The following SELENOI variants were observed in gnomAD, a reference collection of about 807,000 sequenced individuals.
The protein encoded by SELENOI is ethanolaminephosphotransferase 1.
In SELENOI, 24 loss-of-function variants were observed where a neutral mutation model predicts 50.7. That is an observed-to-expected ratio of 0.47 (90% CI 0.34 to 0.67). The LOEUF (loss-of-function observed/expected upper bound fraction) is 0.67, where lower values mean the gene tolerates loss of function less well. Among genes scored for constraint, SELENOI ranks in the 30% least tolerant of loss-of-function variants. The probability of loss-of-function intolerance (pLI) is 0.01; values close to 1 mark genes in which losing one functional copy is unlikely to be tolerated. For missense variants in SELENOI, 352 were observed against 461.4 expected (o/e 0.76, Z 2.17); for synonymous variants, 155 against 170.2 (o/e 0.91, Z 0.70).
chr2:26,347,395 A>G (rs1676816717), intron 1 of SELENOI, among the ~76,000 whole-genome samples: 2 of 152,160 alleles, frequency 1.3e-5, no homozygotes, highest in African/African-American at 4.8e-5. Flanking sequence ...GAATGAATGA[A>G]TAACTGAAAA....
At chr2:26,351,062 T>G (rs901547720) in intron 1 of SELENOI, among the ~76,000 whole-genome samples, 21 of 147,828 alleles carry the variant, frequency 1.4e-4, no homozygotes, top group Admixed American at 1.0e-3. Context: ...TTTGTTTTTT[T>G]TTTTTTTTTT....
intron 4 of SELENOI, among the ~76,000 whole-genome samples, chr2:26,370,433 G>A (rs1176177314): frequency 6.6e-6 from 1 of 150,776 alleles, no homozygotes; most frequent in Non-Finnish European, 1.5e-5. Context: ...CAGTAGGGGC[G>A]GCTGGGCAGA....
In SELENOI at chr2:26,386,549, C is replaced by G. The variant is rs749913621; in HGVS notation, c.1095+13C>G. The stretch of plus-strand genomic sequence containing the variant: ...TGGAGTACGAGTGGTGAGTAATCTA[C>G]AGCAAAATGGGTTCAATTTGGGGCT... On this transcript the variant is annotated intron_variant, in intron 9 of 9. Coordinates refer to ENST00000260585, the MANE Select transcript of SELENOI (RefSeq NM_033505.4). 5.8e-6 allele frequency: 9 copies of G among 1,548,370 alleles called. No homozygotes were observed. The South Asian group carries it at 1.1e-4, about 19-fold the overall frequency.
intron 6 of SELENOI, among the ~76,000 whole-genome samples, chr2:26,381,198 C>CTTCTTTTTT (rs1677689902): frequency 3.3e-5 from 1 of 30,188 alleles, no homozygotes. Flanking sequence ...TCAGTTTGGT[C>CTTCTTTTTT]TTTTTTTTTT....
At position 26,385,107 on chromosome 2, in the gene SELENOI, T is replaced by A; in HGVS notation, c.880T>A (p.Phe294Ile). 6.2e-7 allele frequency: 1 copy of A among 1,601,446 alleles called. No homozygotes were observed. Among genetic ancestry groups the A allele is most frequent in the Admixed American group, 1.7e-5 (1 of 58,558 alleles). Residue 294 changes from phenylalanine (F) to isoleucine (I), a missense_variant, in exon 8 of 10, where the codon TTT (phenylalanine) becomes ATT (isoleucine). Coordinates refer to ENST00000260585, the MANE Select transcript of SELENOI (RefSeq NM_033505.4). Reference protein sequence around the residue: ...ILELHPRVFYFMVGTAFANST... With the variant: ...ILELHPRVFYIMVGTAFANST... ...AGAGCTACATCCTAGAGTATTCTAC[T>A]TTATGGTTGGAACAGCTTTTGCCAA... is the stretch of plus-strand genomic sequence containing the variant.
chr2:26,367,957 C>T (rs976447660), intron 4 of SELENOI, among the ~76,000 whole-genome samples: 2 of 152,170 alleles, frequency 1.3e-5, no homozygotes, highest in African/African-American at 4.8e-5. Flanking sequence ...TTTGTTATCT[C>T]TCTTTTCTAA....
At chr2:26,368,367 T>C (rs1677334155) in intron 4 of SELENOI, among the ~76,000 whole-genome samples, 1 of 152,224 alleles carries the variant, frequency 6.6e-6, no homozygotes, top group Non-Finnish European at 1.5e-5. Flanking sequence ...AGGGAAAAGT[T>C]GAGAGTGGCT....
chr2:26,349,215 T>C (rs1293101856), intron 1 of SELENOI, among the ~76,000 whole-genome samples: 1 of 151,588 alleles, frequency 6.6e-6, no homozygotes, highest in East Asian at 1.9e-4. Context: ...CATTTCTCCA[T>C]GTTGGTCAGG....
chr2:26,374,967 C>A, intron 5 of SELENOI, 73 bp from the exon 6 acceptor site: 1 of 1,001,852 alleles, frequency 1.0e-6, no homozygotes, highest in Non-Finnish European at 1.6e-6. Context: ...CTTAATGCTG[C>A]ATAAAGCATG....
At chr2:26,378,264 C>T (rs1466095529) in intron 6 of SELENOI, among the ~76,000 whole-genome samples, 1 of 152,202 alleles carries the variant, frequency 6.6e-6, no homozygotes, top group Non-Finnish European at 1.5e-5. Context: ...CCAGTAAGGG[C>T]TCTGCCTTCT....
chr2:26,358,845 G>GT (rs1485184258), intron 1 of SELENOI, among the ~76,000 whole-genome samples: 2 of 152,198 alleles, frequency 1.3e-5, no homozygotes, highest in African/African-American at 4.8e-5. Flanking sequence ...GGTGACTGCA[G>GT]TATGATTTAG....
Position 26,392,949 on chromosome 2 carries a change from T to G in SELENOI, c.*3846T>G, listed in dbSNP as rs1678003782. The G allele has an allele frequency of 6.6e-6, 1 of 152,294 alleles. No individual in the cohort carries two copies. The highest frequency in any genetic ancestry group is 1.5e-5 in the Non-Finnish European group (1 of 68,044). The allele number at this position is 152,294 out of a possible 1,614,324, so 9.4% of individuals were successfully genotyped here. A position where few individuals can be genotyped will look rare whatever the true frequency, so the allele number is the denominator to read the frequency against. The stretch of plus-strand genomic sequence containing the variant: ...ACCTTCCAGGAAGAATTTTAACTAG[T>G]ATGCTACATTTGAAGCACTCTGACA... On this transcript the variant is annotated 3_prime_UTR_variant, in exon 10 of 10. Coordinates refer to ENST00000260585, the MANE Select transcript of SELENOI (RefSeq NM_033505.4).
intron 1 of SELENOI, among the ~76,000 whole-genome samples, 154 bp from the exon 2 acceptor site, chr2:26,364,148 C>T (rs1232824415): frequency 6.8e-6 from 1 of 146,434 alleles, no homozygotes; most frequent in Non-Finnish European, 1.5e-5. Context: ...AATTCCTGGG[C>T]TCAAGTGATC....
At chr2:26,348,642 A>C (rs1455772282) in intron 1 of SELENOI, among the ~76,000 whole-genome samples, 1 of 150,860 alleles carries the variant, frequency 6.6e-6, no homozygotes, top group East Asian at 1.9e-4. Flanking sequence ...TTGAATGTCT[A>C]CTTTCTCTTT....
intron 1 of SELENOI, among the ~76,000 whole-genome samples, chr2:26,363,648 C>T (rs925023462): frequency 6.6e-6 from 1 of 152,246 alleles, no homozygotes; most frequent in Middle Eastern, 3.4e-3. Context: ...TTTAGACTTC[C>T]CCTATGATAA....
At chr2:26,383,707 C>T (rs1443569775) in intron 7 of SELENOI, among the ~76,000 whole-genome samples, 1 of 152,014 alleles carries the variant, frequency 6.6e-6, no homozygotes, top group African/African-American at 2.4e-5. Context: ...AAACCCGTCT[C>T]TACTAAAAAT....
In SELENOI at chr2:26,392,294, A is replaced by G. The variant is rs1027208561; in HGVS notation, c.*3191A>G. 4.6e-5 allele frequency: 7 copies of G among 152,208 alleles called. No individual in the cohort carries two copies. The highest frequency in any genetic ancestry group is 9.7e-5 in the African/African-American group (4 of 41,450). 9.4% of individuals were successfully genotyped at this position (152,208 alleles called of 1,614,324 possible). On this transcript the variant is annotated 3_prime_UTR_variant, in exon 10 of 10. Coordinates refer to ENST00000260585, the MANE Select transcript of SELENOI (RefSeq NM_033505.4). ...ACATCCTATGAATTTGAAACATCCT[A>G]TGAATTTGAAAGTTTCCTAAGTGTT...
At chr2:26,388,972 T>C (rs773528253) in intron 9 of SELENOI, 33 bp from the exon 10 acceptor site, 9 of 1,473,404 alleles carry the variant, frequency 6.1e-6, no homozygotes, top group Non-Finnish European at 8.4e-6. Flanking sequence ...AAGGTACATA[T>C]TTGTCACTGT....
At chr2:26,363,063 A>G (rs1333697729) in intron 1 of SELENOI, among the ~76,000 whole-genome samples, 10 of 152,220 alleles carry the variant, frequency 6.6e-5, no homozygotes, top group Admixed American at 6.5e-4. Flanking sequence ...TAACTGGGGA[A>G]TAAGCTCCCT....
Sources: gnomAD v4.1 joint callset for allele counts (sites outside exome capture counted in the v4.1 genomes callset) on GRCh38, gnomAD v4.1.1 for gene constraint, MANE v1.5 for transcripts, NCBI Gene and HGNC (gene_info 2026-07-23, HGNC 2026-07-21) for gene names.